STX7: variants seen among roughly 807,000 people sequenced by gnomAD.
STX7 encodes syntaxin 7, also known as syntaxin-7.
STX7 carries 34 observed loss-of-function variants against 39.6 expected under a neutral mutation model. The ratio of observed to expected loss-of-function variants is 0.86; its 90% CI spans 0.65 to 1.14. STX7 has a LOEUF of 1.14. Ranked by LOEUF, STX7 falls within the 50% of genes most tolerant of loss-of-function variation. STX7 has a pLI of 0.00. For missense variants in STX7, 284 were observed against 310.4 expected, an observed-to-expected ratio of 0.92 and a Z score of 0.64; for synonymous variants, 119 against 99.1, an observed-to-expected ratio of 1.20 and a Z score of -1.19.
At chr6:132,508,830 A>C (rs762953349) in intron 1 of STX7, among the ~76,000 whole-genome samples, 1 of 152,190 alleles carries the variant, frequency 6.6e-6, no homozygotes, top group Non-Finnish European at 1.5e-5. Flanking sequence ...TGTGTGAAGA[A>C]TGAAAAGCAA....
intron 2 of STX7, among the ~76,000 whole-genome samples, chr6:132,502,882 G>C (rs1775610453): frequency 6.6e-6 from 1 of 151,890 alleles, no homozygotes; most frequent in Non-Finnish European, 1.5e-5. Context: ...CTGGGCGACA[G>C]AGTGAGGCTG....
intron 2 of STX7, among the ~76,000 whole-genome samples, chr6:132,502,836 T>C (rs1022097591): frequency 3.9e-5 from 6 of 152,042 alleles, no homozygotes; most frequent in Admixed American, 6.5e-5. Context: ...GAGGCGGAGC[T>C]TGCAGTGAGC....
intron 2 of STX7, among the ~76,000 whole-genome samples, chr6:132,489,960 A>C (rs1775235978): frequency 6.6e-6 from 1 of 152,268 alleles, no homozygotes; most frequent in Admixed American, 6.5e-5. Flanking sequence ...CTAAAATTGT[A>C]TGTAAACAAT....
At chr6:132,507,632 C>T (rs1775739072) in intron 1 of STX7, among the ~76,000 whole-genome samples, 1 of 152,112 alleles carries the variant, frequency 6.6e-6, no homozygotes, top group Non-Finnish European at 1.5e-5. Context: ...TATCATATAT[C>T]AGTCCTTCAT....
At chr6:132,493,877 C>T (rs1174062803) in intron 2 of STX7, among the ~76,000 whole-genome samples, 1 of 152,186 alleles carries the variant, frequency 6.6e-6, no homozygotes, top group Non-Finnish European at 1.5e-5. Flanking sequence ...GGGACAGCCT[C>T]ACAGGGCAGT....
rs755045655 is a variant in STX7, at chr6:132,475,653, A to G, written c.95T>C (p.Ile32Thr). Residue 32 changes from isoleucine to threonine, a missense_variant, in exon 3 of 10, where the codon ATA becomes ACA. Physicochemically the swap from Ile to Thr is moderately conservative, Grantham distance 89. Transcript: ENST00000367941. The stretch of plus-strand genomic sequence containing the variant: ...TCCAAGTTGATTCAGAGTTCTTTGT[A>G]TTTCCACAGCTATTATAATAGAAAA... ...IQKITQCSVEIQRTLNQLGTP... is the reference protein window; with the variant it reads ...IQKITQCSVETQRTLNQLGTP... 1 of 1,606,184 alleles carries G rather than the reference A, an allele frequency of 6.2e-7. No individual in the cohort carries two copies. Among genetic ancestry groups the G allele is most frequent in the African/African-American group, 1.3e-5 (1 of 74,740 alleles).
In STX7 at chr6:132,471,466, C is replaced by G; in HGVS notation, c.384G>C (p.Val128=). Residue 128 remains valine, a synonymous_variant, in exon 5 of 10, where the codon GTG becomes GTC. Coordinates refer to ENST00000367941, the MANE Select transcript of STX7 (RefSeq NM_003569.3). ...GAATGTCTTTTAAAATACTTACAGA[C>G]ACTCTGGAACTGGCTCTTACTCGAG... ...FVARVRASSR[V]SGSFPEDSSK... is the part of the protein sequence containing the mutation. 6.2e-7 allele frequency: 1 copy of G among 1,612,414 alleles called. No individual in the cohort carries two copies. Among genetic ancestry groups the G allele is most frequent in the Non-Finnish European group, 8.5e-7 (1 of 1,179,372 alleles).
At chr6:132,488,297 A>C (rs2788933) in intron 2 of STX7, among the ~76,000 whole-genome samples, 136,293 of 152,166 alleles carry the variant, frequency 0.9, 61,274 homozygotes, top group Middle Eastern at 0.98. Flanking sequence ...TTGATTAATG[A>C]CAGGAATAGA....
intron 7 of STX7, 49 bp downstream of exon 7, chr6:132,469,902 A>G: frequency 6.8e-7 from 1 of 1,467,524 alleles, no homozygotes; most frequent in East Asian, 2.5e-5. Flanking sequence ...CTTGAGAACA[A>G]ACTCACTAAG....
chr6:132,489,330 A>G (rs1283226995), intron 2 of STX7, among the ~76,000 whole-genome samples: 1 of 152,086 alleles, frequency 6.6e-6, no homozygotes, highest in Non-Finnish European at 1.5e-5. Flanking sequence ...GTTAGGATCC[A>G]GGTTCGTTAT....
chr6:132,482,823 C>T (rs1775044921), intron 2 of STX7, among the ~76,000 whole-genome samples: 1 of 152,134 alleles, frequency 6.6e-6, no homozygotes, highest in South Asian at 2.1e-4. Context: ...GTTTTATGAA[C>T]TGCCAAGATT....
At chr6:132,508,469 G>A (rs932612009) in intron 1 of STX7, among the ~76,000 whole-genome samples, 8 of 152,122 alleles carry the variant, frequency 5.3e-5, no homozygotes, top group South Asian at 2.1e-4. Context: ...CACCCAAAGA[G>A]GTGCTACTTA....
intron 1 of STX7, among the ~76,000 whole-genome samples, chr6:132,505,469 T>C (rs910821470): frequency 6.6e-6 from 1 of 152,130 alleles, no homozygotes. Flanking sequence ...TTCTCCAACT[T>C]CCCTCTCAGG....
At chr6:132,479,068 T>C (rs894080533) in intron 2 of STX7, among the ~76,000 whole-genome samples, 7 of 152,172 alleles carry the variant, frequency 4.6e-5, no homozygotes, top group Non-Finnish European at 8.8e-5. Context: ...AATAAATCCA[T>C]GAAAATACAG....
At chr6:132,479,777 AT>A (rs907952458) in intron 2 of STX7, among the ~76,000 whole-genome samples, 2 of 152,094 alleles carry the variant, frequency 1.3e-5, no homozygotes, top group Non-Finnish European at 2.9e-5. Flanking sequence ...TTTTTGTTTG[AT>A]TTTTTGTATT....
chr6:132,499,314 T>C (rs558485520), intron 2 of STX7, among the ~76,000 whole-genome samples: 1 of 152,336 alleles, frequency 6.6e-6, no homozygotes, highest in Non-Finnish European at 1.5e-5. Flanking sequence ...ATCCCCAATT[T>C]TAGTGAGCAC....
At chr6:132,472,773 T>C (rs1774764550) in intron 3 of STX7, among the ~76,000 whole-genome samples, 1 of 152,156 alleles carries the variant, frequency 6.6e-6, no homozygotes, top group Non-Finnish European at 1.5e-5. Flanking sequence ...TTTGTTACCT[T>C]AGACTTTGCC....
At chr6:132,506,330 A>C (rs1348698384) in intron 1 of STX7, among the ~76,000 whole-genome samples, 2 of 152,198 alleles carry the variant, frequency 1.3e-5, no homozygotes, top group African/African-American at 2.4e-5. Flanking sequence ...GAATGGGAGA[A>C]AAATATCTGC....
chr6:132,456,032 G>A lies in STX7; in HGVS notation c.*4726C>T, dbSNP rs1304653431. ...CCCTTGGATCTCACCCTTCTGTCTA[G>A]TGCTTTGCCCTCTATTTGGGGCAGT... On this transcript the variant is annotated 3_prime_UTR_variant, in exon 10 of 10. Coordinates refer to ENST00000367941, the MANE Select transcript of STX7 (RefSeq NM_003569.3). The A allele has an allele frequency of 1.3e-5, 2 of 152,014 alleles. No homozygotes were observed. Among genetic ancestry groups the A allele is most frequent in the South Asian group, 2.1e-4 (1 of 4,814 alleles). The allele number at this position is 152,014 out of a possible 1,614,324, so 9.4% of individuals were successfully genotyped here. A position where few individuals can be genotyped will look rare whatever the true frequency, so the allele number is the denominator to read the frequency against.
Sources: allele counts gnomAD v4.1 joint callset (sites outside exome capture counted in the v4.1 genomes callset), GRCh38; gene constraint gnomAD v4.1.1; transcripts MANE v1.5; gene names NCBI Gene and HGNC (gene_info 2026-07-23, HGNC 2026-07-21).